The following FGD4 variants were observed in gnomAD, a reference collection of about 807,000 sequenced individuals.
FGD4 encodes the protein FYVE, RhoGEF and PH domain containing 4, also known as FYVE, RhoGEF and PH domain-containing protein 4.
In FGD4, 42 loss-of-function variants were observed where a neutral mutation model predicts 102.0. The ratio of observed to expected loss-of-function variants is 0.41; its 90% CI spans 0.32 to 0.53. The LOEUF is 0.53. Among genes scored for constraint, FGD4 ranks in the 20% least tolerant of loss-of-function variants. The pLI is 0.21. For synonymous variants in FGD4, 380 were observed against 375.7 expected, an observed-to-expected ratio of 1.01 and a Z score of -0.13; for missense variants, 902 against 1,078.2, an observed-to-expected ratio of 0.84 and a Z score of 2.29.
At chr12:32,504,276 A>G (rs759105988) in intron 1 of FGD4, among the ~76,000 whole-genome samples, 3 of 152,282 alleles carry the variant, frequency 2.0e-5, no homozygotes, top group Non-Finnish European at 2.9e-5. Flanking sequence ...AAATAGGTGA[A>G]GAGTGGGCAG....
intron 1 of FGD4, among the ~76,000 whole-genome samples, chr12:32,486,935 T>C (rs1030154615): frequency 6.6e-6 from 1 of 152,222 alleles, no homozygotes; most frequent in Non-Finnish European, 1.5e-5. Context: ...TTTTTCCTCT[T>C]TGTAGCTATT....
chr12:32,508,494 T>C (rs1243200413), intron 1 of FGD4, among the ~76,000 whole-genome samples: 1 of 152,216 alleles, frequency 6.6e-6, no homozygotes, highest in Admixed American at 6.5e-5. Flanking sequence ...CATATCTTAT[T>C]CTTGATATTT....
intron 1 of FGD4, chr12:32,502,000 G>T: frequency 1.0e-6 from 1 of 983,236 alleles, no homozygotes; most frequent in Non-Finnish European, 1.2e-6. Context: ...CCCTGCGCAT[G>T]TGAGTGGCTA....
chr12:32,468,386 G>C (rs1943326497), intron 1 of FGD4, among the ~76,000 whole-genome samples: 1 of 151,864 alleles, frequency 6.6e-6, no homozygotes, highest in Non-Finnish European at 1.5e-5. Flanking sequence ...ATAGCTGACC[G>C]ACACAGGAAA....
chr12:32,571,418 A>G (rs1592260576), intron 2 of FGD4, among the ~76,000 whole-genome samples: 1 of 151,176 alleles, frequency 6.6e-6, no homozygotes, highest in Non-Finnish European at 1.5e-5. Context: ...TTGCACCACT[A>G]CCCTCCAGCC....
chr12:32,614,437 T>G (rs559933391), intron 10 of FGD4, among the ~76,000 whole-genome samples: 1 of 152,262 alleles, frequency 6.6e-6, no homozygotes, highest in South Asian at 2.1e-4. Context: ...AGGGGTTTTT[T>G]GGGATGCTCA....
chr12:32,441,864 T>C (rs1292331083), intron 1 of FGD4, among the ~76,000 whole-genome samples: 1 of 152,122 alleles, frequency 6.6e-6, no homozygotes, highest in Admixed American at 6.5e-5. Context: ...ACGCTCCCTC[T>C]GTGGGCAGGG....
intron 3 of FGD4, among the ~76,000 whole-genome samples, chr12:32,578,958 G>A (rs1384829563): frequency 1.3e-5 from 2 of 150,296 alleles, no homozygotes; most frequent in Non-Finnish European, 3.0e-5. Flanking sequence ...TTCAGGTTAA[G>A]AGAGAGTACT....
intron 1 of FGD4, among the ~76,000 whole-genome samples, chr12:32,425,482 A>G (rs1941798562): frequency 6.6e-6 from 1 of 152,186 alleles, no homozygotes; most frequent in South Asian, 2.1e-4. Flanking sequence ...GTAGCCTTGC[A>G]GTACAGTTTG....
chr12:32,594,136 G>C (rs1947689930), intron 4 of FGD4, among the ~76,000 whole-genome samples: 1 of 152,176 alleles, frequency 6.6e-6, no homozygotes, highest in South Asian at 2.1e-4. Context: ...GTACCAGCTG[G>C]TCTGTGGCCT....
chr12:32,615,562 C>G (rs1272304178), intron 10 of FGD4, among the ~76,000 whole-genome samples: 1 of 151,916 alleles, frequency 6.6e-6, no homozygotes, highest in Non-Finnish European at 1.5e-5. Context: ...AAATAGAAAA[C>G]AAGGATGTGT....
chr12:32,611,917 A>AC (rs1326542601), intron 10 of FGD4, among the ~76,000 whole-genome samples: 1 of 152,118 alleles, frequency 6.6e-6, no homozygotes, highest in Non-Finnish European at 1.5e-5. Context: ...AGCCCCCTGT[A>AC]CCCCTGCAGG....
rs975026038 is a variant in FGD4, at chr12:32,564,405, C to T, written c.319+116C>T. On this transcript the variant is annotated intron_variant, in intron 2 of 16. Coordinates refer to ENST00000534526, the MANE Select transcript of FGD4 (RefSeq NM_001370298.3). Reference sequence around the variant, plus strand: ...TAAGCTAGAAGGAAGGAATTGGGTACATTATTTTTTAGAGAAGAGTCCATC... The same window carrying T: ...TAAGCTAGAAGGAAGGAATTGGGTATATTATTTTTTAGAGAAGAGTCCATC... 6 of 1,275,892 alleles carry T rather than the reference C, an allele frequency of 4.7e-6. No homozygotes were observed. In the African/African-American group the frequency reaches 9.0e-5, roughly 19 times the overall value. 79.0% of individuals were successfully genotyped at this position (1,275,892 alleles called of 1,614,324 possible). A position where few individuals can be genotyped will look rare whatever the true frequency, so the allele number is the denominator to read the frequency against.
intron 1 of FGD4, among the ~76,000 whole-genome samples, chr12:32,502,959 G>T (rs1938356117): frequency 6.6e-6 from 1 of 152,166 alleles, no homozygotes; most frequent in Non-Finnish European, 1.5e-5. Context: ...GGCTTCCTTT[G>T]TTTTTCTATT....
At chr12:32,525,884 C>T (rs1389266180) in intron 1 of FGD4, among the ~76,000 whole-genome samples, 1 of 152,254 alleles carries the variant, frequency 6.6e-6, no homozygotes, top group East Asian at 1.9e-4. Context: ...CGCTCGATTT[C>T]TCACCGGGCC....
intron 1 of FGD4, among the ~76,000 whole-genome samples, chr12:32,433,874 T>G (rs1942135989): frequency 6.6e-6 from 1 of 151,928 alleles, no homozygotes; most frequent in Non-Finnish European, 1.5e-5. Flanking sequence ...TATTATTTTT[T>G]GAGACGGAGT....
At chr12:32,426,487 C>T (rs981657078) in intron 1 of FGD4, among the ~76,000 whole-genome samples, 12 of 152,018 alleles carry the variant, frequency 7.9e-5, no homozygotes, top group South Asian at 2.1e-4. Context: ...TGAGGATTTT[C>T]GCATCGATGT....
At chr12:32,552,356 T>C (rs1030120937) in intron 1 of FGD4, among the ~76,000 whole-genome samples, 2 of 151,868 alleles carry the variant, frequency 1.3e-5, no homozygotes, top group Admixed American at 6.6e-5. Flanking sequence ...ACCTCCTAGG[T>C]TCAAGCGATT....
At chr12:32,512,469 C>A (rs1320438326) in intron 1 of FGD4, among the ~76,000 whole-genome samples, 1 of 151,638 alleles carries the variant, frequency 6.6e-6, no homozygotes, top group Non-Finnish European at 1.5e-5. Context: ...AAGTAGAGTG[C>A]TTGTTCATGA....
Sources: gnomAD v4.1 joint callset for allele counts (sites outside exome capture counted in the v4.1 genomes callset) on GRCh38, gnomAD v4.1.1 for gene constraint, MANE v1.5 for transcripts, NCBI Gene and HGNC (gene_info 2026-07-23, HGNC 2026-07-21) for gene names.